LRRC4C: variants seen among roughly 807,000 people sequenced by gnomAD.
LRRC4C encodes the protein leucine rich repeat containing 4C, also known as leucine-rich repeat-containing protein 4C.
Under a neutral mutation model 33.6 loss-of-function variants are expected in LRRC4C, and 5 were observed. That is an observed-to-expected ratio of 0.15 (90% confidence interval 0.08 to 0.31). LRRC4C has a LOEUF of 0.31. LRRC4C is among the 10% of genes least tolerant of loss of function. The probability of loss-of-function intolerance (pLI) is 1.00; values close to 1 mark genes in which losing one functional copy is unlikely to be tolerated. For synonymous variants in LRRC4C, 329 were observed against 302.0 expected (o/e 1.09, Z -0.93); for missense variants, 560 against 796.7 (o/e 0.70, Z 3.58).
intron 4 of LRRC4C, among the ~76,000 whole-genome samples, chr11:40,296,395 G>C (rs1286721524): frequency 1.3e-5 from 2 of 152,106 alleles, no homozygotes; most frequent in African/African-American, 4.8e-5. Context: ...ACAACACCCT[G>C]AGAGATTTTG....
At chr11:40,977,966 G>A (rs751710181) in intron 1 of LRRC4C, among the ~76,000 whole-genome samples, 1 of 152,140 alleles carries the variant, frequency 6.6e-6, no homozygotes, top group Non-Finnish European at 1.5e-5. Flanking sequence ...GGCAAACATT[G>A]AAATCTAACA....
intron 2 of LRRC4C, among the ~76,000 whole-genome samples, chr11:40,678,594 G>T (rs2136313868): frequency 6.6e-6 from 1 of 152,130 alleles, no homozygotes; most frequent in African/African-American, 2.4e-5. Flanking sequence ...AAAACATAGG[G>T]GTGGGTCTTC....
intron 1 of LRRC4C, among the ~76,000 whole-genome samples, chr11:41,167,744 T>C (rs897208302): frequency 6.6e-6 from 1 of 152,146 alleles, no homozygotes; most frequent in Non-Finnish European, 1.5e-5. Flanking sequence ...TCTCAATGAC[T>C]GCCAATAAAA....
chr11:40,500,842 A>G (rs1195481053), intron 3 of LRRC4C, among the ~76,000 whole-genome samples: 4 of 152,086 alleles, frequency 2.6e-5, no homozygotes, highest in Non-Finnish European at 4.4e-5. Flanking sequence ...ACAGTCCCCC[A>G]AAGTCTTAAT....
At chr11:41,085,359 C>A (rs890488361) in intron 1 of LRRC4C, among the ~76,000 whole-genome samples, 1 of 152,100 alleles carries the variant, frequency 6.6e-6, no homozygotes, top group African/African-American at 2.4e-5. Context: ...TATAATGAAT[C>A]TTTGCCTTTT....
At chr11:40,588,677 T>C (rs1187432937) in intron 3 of LRRC4C, among the ~76,000 whole-genome samples, 1 of 152,142 alleles carries the variant, frequency 6.6e-6, no homozygotes, top group Admixed American at 6.5e-5. Context: ...GTATGTTGTG[T>C]CTTTGTTCTC....
intron 3 of LRRC4C, among the ~76,000 whole-genome samples, chr11:40,327,704 T>C (rs1946166039): frequency 2.0e-5 from 3 of 151,982 alleles, no homozygotes; most frequent in Admixed American, 2.0e-4. Flanking sequence ...CTTTTATAAC[T>C]TCTCTTCTGC....
intron 3 of LRRC4C, among the ~76,000 whole-genome samples, chr11:40,558,947 A>G (rs1341777842): frequency 6.6e-6 from 1 of 152,142 alleles, no homozygotes; most frequent in African/African-American, 2.4e-5. Flanking sequence ...TGTAAGTGAG[A>G]ACATGCAGTA....
intron 1 of LRRC4C, among the ~76,000 whole-genome samples, chr11:41,087,837 G>C (rs748740772): frequency 3.3e-5 from 5 of 152,008 alleles, no homozygotes; most frequent in Non-Finnish European, 7.4e-5. Context: ...ATAATGTGTT[G>C]GAAAAAGTCT....
intron 1 of LRRC4C, among the ~76,000 whole-genome samples, chr11:41,080,126 G>A (rs190840577): frequency 2.7e-4 from 41 of 152,084 alleles, no homozygotes; most frequent in African/African-American, 9.9e-4. Context: ...TTAATTTTAG[G>A]GGTGAGTTTA....
intron 2 of LRRC4C, among the ~76,000 whole-genome samples, chr11:40,817,063 C>G (rs1287438100): frequency 6.6e-6 from 1 of 152,110 alleles, no homozygotes; most frequent in Non-Finnish European, 1.5e-5. Context: ...TGACAGCTGT[C>G]TCTGTTCTAA....
chr11:40,239,221 T>A (rs902091010), intron 5 of LRRC4C, among the ~76,000 whole-genome samples: 1 of 152,148 alleles, frequency 6.6e-6, no homozygotes, highest in South Asian at 2.1e-4. Flanking sequence ...TCTAAGCATA[T>A]TTTCCCCCAA....
intron 3 of LRRC4C, among the ~76,000 whole-genome samples, chr11:40,576,366 G>A (rs1958193087): frequency 6.6e-6 from 1 of 152,192 alleles, no homozygotes; most frequent in South Asian, 2.1e-4. Flanking sequence ...TGACGGCAAT[G>A]TATGCTTCTA....
At chr11:41,354,271 C>T (rs1952083471) in intron 1 of LRRC4C, among the ~76,000 whole-genome samples, 1 of 151,990 alleles carries the variant, frequency 6.6e-6, no homozygotes, top group Admixed American at 6.6e-5. Context: ...ATCACATTCA[C>T]AATAGCCACA....
At chr11:40,218,188 G>T (rs374387767) in intron 5 of LRRC4C, among the ~76,000 whole-genome samples, 2 of 152,098 alleles carry the variant, frequency 1.3e-5, no homozygotes, top group South Asian at 4.1e-4. Context: ...TTTGCATTCA[G>T]ATCTCCTTTA....
chr11:40,706,506 G>T (rs1395169801), intron 2 of LRRC4C, among the ~76,000 whole-genome samples: 1 of 152,168 alleles, frequency 6.6e-6, no homozygotes, highest in Non-Finnish European at 1.5e-5. Flanking sequence ...GTTTGTCAAA[G>T]ATCAGATGGT....
At chr11:40,660,877 T>TG (rs1826186069) in intron 2 of LRRC4C, among the ~76,000 whole-genome samples, 8 of 152,194 alleles carry the variant, frequency 5.3e-5, no homozygotes, top group Admixed American at 5.2e-4. Context: ...AGATGAAATC[T>TG]TTGCAAATTA....
intron 3 of LRRC4C, among the ~76,000 whole-genome samples, chr11:40,353,013 TCCTTGA>T (rs960831881): frequency 5.3e-5 from 8 of 152,330 alleles, no homozygotes; most frequent in Admixed American, 5.2e-4. Context: ...TGTTTCTTTA[TCCTTGA>T]CCTTTGGGAC....
intron 1 of LRRC4C, among the ~76,000 whole-genome samples, chr11:40,988,711 TTC>T (rs1491504073): frequency 0.037 from 2,387 of 65,370 alleles, 53 homozygotes; most frequent in African/African-American, 0.059. Flanking sequence ...TTCTTTTCTT[TTC>T]TTTTTTTTTT....
Sources: allele counts gnomAD v4.1 joint callset (sites outside exome capture counted in the v4.1 genomes callset), GRCh38; gene constraint gnomAD v4.1.1; transcripts MANE v1.5; gene names NCBI Gene and HGNC (gene_info 2026-07-23, HGNC 2026-07-21).